The following KCNQ2 variants were observed in gnomAD, a reference collection of about 807,000 sequenced individuals.
The protein encoded by KCNQ2 is potassium voltage-gated channel subfamily Q member 2, also known as potassium voltage-gated channel subfamily KQT member 2.
KCNQ2 carries 14 observed loss-of-function variants against 84.8 expected under a neutral mutation model. That is an observed-to-expected ratio of 0.17 (90% CI 0.11 to 0.26). The LOEUF (loss-of-function observed/expected upper bound fraction) is 0.26. KCNQ2 is among the 10% of genes least tolerant of loss of function. The pLI, the probability that KCNQ2 is intolerant of heterozygous loss-of-function variation, is 1.00. For missense variants in KCNQ2, 788 were observed against 1,254.0 expected (o/e 0.63, Z 5.61); for synonymous variants, 599 against 554.1 (o/e 1.08, Z -1.14).
chr20:63,438,484 C>A lies in KCNQ2; in HGVS notation c.1023+141G>T. 1.3e-6 allele frequency: 1 copy of A among 760,828 alleles called. No homozygotes were observed. Among genetic ancestry groups the A allele is most frequent in the Non-Finnish European group, 2.3e-6 (1 of 431,868 alleles). 47.1% of individuals were successfully genotyped at this position (760,828 alleles called of 1,614,324 possible). A position where few individuals can be genotyped will look rare whatever the true frequency, so the allele number is the denominator to read the frequency against. On this transcript the variant is annotated intron_variant, in intron 7 of 16. Coordinates refer to ENST00000359125, the MANE Select transcript of KCNQ2 (RefSeq NM_172107.4). The surrounding 1 kb of genome is among the most constrained non-coding windows in gnomAD (Gnocchi z 5.1). ...ACACACACACTTCACATCCTCGCTC[C>A]TTCCACAGATTCCTGCAGAGGGTGA...
At chr20:63,418,446 G>A (rs755225446) in intron 12 of KCNQ2, among the ~76,000 whole-genome samples, 10 of 152,192 alleles carry the variant, frequency 6.6e-5, no homozygotes, top group African/African-American at 1.4e-4. Flanking sequence ...GCTGGTGTCC[G>A]GACCAACGAC....
rs1386824941 is a variant in KCNQ2 at position 63,472,493 on chromosome 20, G to A, written c.-30C>T. ...CCTGGCGGGAGGCGCCCCGGGTCGG[G>A]CTCAGGCTCAGCGGGGGCGGAGCGC... On this transcript the variant is annotated 5_prime_UTR_variant, in exon 1 of 17. Coordinates refer to ENST00000359125, the MANE Select transcript of KCNQ2 (RefSeq NM_172107.4). 48 of 1,455,286 alleles carry A rather than the reference G, an allele frequency of 3.3e-5. No homozygotes were observed. The highest frequency in any genetic ancestry group is 4.1e-5 in the Non-Finnish European group (45 of 1,107,402). 90.1% of individuals were successfully genotyped at this position (1,455,286 alleles called of 1,614,324 possible).
chr20:63,452,896 G>A (rs1010393577), intron 1 of KCNQ2, among the ~76,000 whole-genome samples: 8 of 152,196 alleles, frequency 5.3e-5, no homozygotes, highest in South Asian at 2.1e-4. Context: ...CGCGCCAGCC[G>A]GAGCTCCAGC....
intron 5 of KCNQ2, among the ~76,000 whole-genome samples, chr20:63,440,581 T>C (rs998940208): frequency 3.3e-5 from 5 of 152,142 alleles, no homozygotes; most frequent in Non-Finnish European, 4.4e-5. Context: ...GAGTCTTAGA[T>C]AAACAGACAG....
At chr20:63,448,797 T>G (rs889743356) in intron 1 of KCNQ2, among the ~76,000 whole-genome samples, 5 of 152,152 alleles carry the variant, frequency 3.3e-5, no homozygotes, top group Admixed American at 3.3e-4. Context: ...ACCCCTGACC[T>G]GCTGGGCCGG....
At chr20:63,443,711 C>G (rs1265566705) in intron 4 of KCNQ2, 2 of 152,312 alleles carry the variant, frequency 1.3e-5, no homozygotes, top group Non-Finnish European at 2.9e-5. Flanking sequence ...GGACCCGTCT[C>G]CTGAGGCCAG....
At chr20:63,442,876 T>C (rs199772505) in intron 4 of KCNQ2, among the ~76,000 whole-genome samples, 231 of 3,504 alleles carry the variant, frequency 0.066, no homozygotes, top group African/African-American at 0.087. Context: ...CCATCACCAT[T>C]ATCACCACCA....
chr20:63,472,111 G>C, intron 1 of KCNQ2, 57 bp downstream of exon 1: 1 of 1,296,756 alleles, frequency 7.7e-7, no homozygotes. Context: ...GTCGCCGATG[G>C]GGTCGCCGAT....
At chr20:63,430,117 C>T (rs1346066697) in intron 9 of KCNQ2, among the ~76,000 whole-genome samples, 1 of 152,230 alleles carries the variant, frequency 6.6e-6, no homozygotes, top group Non-Finnish European at 1.5e-5. Context: ...CGTCAGCCCT[C>T]AGAGCCACAT....
chr20:63,424,108 C>T, intron 11 of KCNQ2, 69 bp downstream of exon 11: 1 of 1,513,096 alleles, frequency 6.6e-7, no homozygotes, highest in Non-Finnish European at 9.0e-7. Context: ...AGGTTGCGCA[C>T]ACGTGTGGGA....
At chr20:63,442,926 T>C (rs796237049) in intron 4 of KCNQ2, among the ~76,000 whole-genome samples, 73 of 16,668 alleles carry the variant, frequency 4.4e-3, no homozygotes, top group African/African-American at 7.3e-3. Context: ...ATCACCACCA[T>C]CACCATCACC....
At chr20:63,457,637 G>A (rs1039994666) in intron 1 of KCNQ2, among the ~76,000 whole-genome samples, 7 of 152,248 alleles carry the variant, frequency 4.6e-5, no homozygotes, top group Non-Finnish European at 8.8e-5. Flanking sequence ...GGGAACAGGA[G>A]TGGAGGAGCT....
chr20:63,431,626 G>A (rs961092673), intron 8 of KCNQ2, among the ~76,000 whole-genome samples: 16 of 152,082 alleles, frequency 1.1e-4, no homozygotes, highest in Non-Finnish European at 5.9e-5. Flanking sequence ...AGGTGCAGGG[G>A]GGATGGTGCT....
intron 11 of KCNQ2, among the ~76,000 whole-genome samples, chr20:63,422,971 G>C (rs879361617): frequency 6.6e-6 from 1 of 152,162 alleles, no homozygotes; most frequent in Non-Finnish European, 1.5e-5. Flanking sequence ...ATTGTGGGGG[G>C]CACAGTGCTC....
chr20:63,410,419 A>C (rs1370088305), intron 15 of KCNQ2, among the ~76,000 whole-genome samples: 1 of 152,118 alleles, frequency 6.6e-6, no homozygotes, highest in Non-Finnish European at 1.5e-5. Flanking sequence ...AAGCGCTCCA[A>C]CTGTCTCCCT....
intron 1 of KCNQ2, among the ~76,000 whole-genome samples, chr20:63,454,879 A>C (rs2081731135): frequency 6.6e-6 from 1 of 152,230 alleles, no homozygotes; most frequent in Admixed American, 6.5e-5. Flanking sequence ...CCTGAGGGCC[A>C]GCTGCCAGAG....
intron 4 of KCNQ2, among the ~76,000 whole-genome samples, chr20:63,442,855 CACCACCATCACCATCACCATT>C (rs1311266402): frequency 9.9e-6 from 1 of 100,648 alleles, no homozygotes; most frequent in African/African-American, 4.2e-5. Context: ...TCACCATCAC[CACCACCATCACCATCACCATT>C]ATCACCACCA....
intron 7 of KCNQ2, among the ~76,000 whole-genome samples, chr20:63,437,609 T>C (rs2081044460): frequency 6.6e-6 from 1 of 152,252 alleles, no homozygotes; most frequent in Non-Finnish European, 1.5e-5. Context: ...CTTATAAGGA[T>C]GCATGTGATT....
At position 63,400,372 on chromosome 20, in the gene KCNQ2, G is replaced by A; in HGVS notation, c.*6272C>T. 2.7e-6 allele frequency: 1 copy of A among 372,690 alleles called. No homozygotes were observed. Among genetic ancestry groups the A allele is most frequent in the Non-Finnish European group, 4.8e-6 (1 of 210,296 alleles). 23.1% of individuals were successfully genotyped at this position (372,690 alleles called of 1,614,324 possible). ...CGCACTGGCGCATTCTTACGGCTCT[G>A]GCATCAACCTGTCCGTGTGAGTAAG... On this transcript the variant is annotated 3_prime_UTR_variant, in exon 17 of 17. Coordinates refer to ENST00000359125, the MANE Select transcript of KCNQ2 (RefSeq NM_172107.4). This position sits in a 1 kb window ranked among gnomAD's most constrained non-coding sequence, Gnocchi z 8.7.
Sources: gnomAD v4.1 joint callset for allele counts (sites outside exome capture counted in the v4.1 genomes callset) on GRCh38, gnomAD v4.1.1 for gene constraint, Gnocchi (gnomAD v3.1) non-coding constraint, MANE v1.5 for transcripts, NCBI Gene and HGNC (gene_info 2026-07-23, HGNC 2026-07-21) for gene names.